Variants in ARHGAP10 observed in about 807,000 individuals in gnomAD.
The protein encoded by ARHGAP10 is rho GTPase-activating protein 10.
ARHGAP10 carries 87 observed loss-of-function variants against 108.6 expected under a neutral mutation model. The observed-to-expected ratio is 0.80, with a 90% CI of 0.67 to 0.96. The LOEUF (loss-of-function observed/expected upper bound fraction) is 0.96, where lower values mean the gene tolerates loss of function less well. Among genes scored for constraint, ARHGAP10 ranks in the 40% least tolerant of loss-of-function variants. The pLI is 0.00. For missense variants in ARHGAP10, 939 were observed against 954.5 expected (o/e 0.98, Z 0.21); for synonymous variants, 347 against 341.1 (o/e 1.02, Z -0.19).
intron 18 of ARHGAP10, among the ~76,000 whole-genome samples, chr4:147,987,029 T>G (rs1012333738): frequency 6.6e-6 from 1 of 152,236 alleles, no homozygotes; most frequent in African/African-American, 2.4e-5. Flanking sequence ...ACGGGATTAT[T>G]GCGGATTGAA....
At chr4:147,759,545 A>G (rs1371404520) in intron 1 of ARHGAP10, among the ~76,000 whole-genome samples, 2 of 149,326 alleles carry the variant, frequency 1.3e-5, no homozygotes, top group Non-Finnish European at 3.0e-5. Flanking sequence ...GTGAGTAGCC[A>G]CCACACTCCT....
At chr4:147,777,148 G>A (rs185263710) in intron 1 of ARHGAP10, among the ~76,000 whole-genome samples, 13 of 152,158 alleles carry the variant, frequency 8.5e-5, no homozygotes, top group East Asian at 7.7e-4. Flanking sequence ...CATGATTTGC[G>A]TTTCAGCTAT....
intron 9 of ARHGAP10, among the ~76,000 whole-genome samples, chr4:147,881,243 A>G (rs567094506): frequency 9.2e-5 from 14 of 152,076 alleles, no homozygotes; most frequent in Admixed American, 7.2e-4. Flanking sequence ...ACTGCACTCC[A>G]GCCTGGGCAA....
chr4:147,926,764 G>T (rs927186841), intron 13 of ARHGAP10, among the ~76,000 whole-genome samples: 1 of 152,144 alleles, frequency 6.6e-6, no homozygotes, highest in African/African-American at 2.4e-5. Context: ...AAGGATGGTT[G>T]TAAGGGAATC....
chr4:147,948,936 A>G (rs1277445160), intron 15 of ARHGAP10, among the ~76,000 whole-genome samples: 1 of 151,294 alleles, frequency 6.6e-6, no homozygotes, highest in Non-Finnish European at 1.5e-5. Context: ...ACTGCACTCC[A>G]GCCTAGGAGA....
intron 1 of ARHGAP10, among the ~76,000 whole-genome samples, chr4:147,765,744 G>A (rs1207183353): frequency 1.3e-5 from 2 of 152,178 alleles, no homozygotes; most frequent in Non-Finnish European, 2.9e-5. Context: ...AGGCTGCAGT[G>A]AGCCATGATT....
chr4:147,977,653 C>T (rs1560855747), intron 18 of ARHGAP10, among the ~76,000 whole-genome samples: 2 of 151,142 alleles, frequency 1.3e-5, no homozygotes, highest in African/African-American at 4.9e-5. Context: ...AATTGTGTGA[C>T]TTTTTTTTTC....
rs1728003942 is a variant in ARHGAP10, at chr4:148,028,984, C to T, written c.1867+5571C>T. ...TGCAGCTTAAAAACAGACCATCTTT[C>T]CATCAAAAGGAAGGAAACATGCCAT... On this transcript the variant is annotated intron_variant, in intron 19 of 22. Transcript: ENST00000336498. Among the ~76,000 whole-genome samples the T allele has an allele frequency of 2.6e-5, 4 of 152,236 alleles. No homozygotes were observed. In the South Asian group the frequency reaches 8.3e-4, roughly 32 times the overall value.
chr4:147,903,226 C>T (rs1423910333), intron 10 of ARHGAP10, among the ~76,000 whole-genome samples: 1 of 152,200 alleles, frequency 6.6e-6, no homozygotes, highest in African/African-American at 2.4e-5. Flanking sequence ...TTAGCTCCTC[C>T]AGAGTGTGCT....
At chr4:147,938,084 C>T (rs1738024398) in intron 13 of ARHGAP10, among the ~76,000 whole-genome samples, 1 of 152,132 alleles carries the variant, frequency 6.6e-6, no homozygotes, top group Admixed American at 6.5e-5. Context: ...AAGTGGAGGC[C>T]ATTATCCTTA....
At chr4:147,813,723 G>GT (rs775167147) in intron 1 of ARHGAP10, among the ~76,000 whole-genome samples, 20 of 152,184 alleles carry the variant, frequency 1.3e-4, no homozygotes, top group Non-Finnish European at 2.4e-4. Context: ...TGTACTGTGA[G>GT]TTTTTTCTCA....
At chr4:147,954,917 G>A (rs534551213) in intron 15 of ARHGAP10, among the ~76,000 whole-genome samples, 1 of 152,040 alleles carries the variant, frequency 6.6e-6, no homozygotes, top group Non-Finnish European at 1.5e-5. Context: ...TATTTTGTGT[G>A]GAATCTTCAG....
intron 10 of ARHGAP10, among the ~76,000 whole-genome samples, chr4:147,898,076 A>AT (rs370800661): frequency 1.2e-3 from 176 of 151,406 alleles, no homozygotes; most frequent in South Asian, 9.2e-3. Flanking sequence ...AATGGGCCAT[A>AT]TTTTTTTTAA....
intron 3 of ARHGAP10, among the ~76,000 whole-genome samples, chr4:147,837,574 C>G (rs1002431060): frequency 6.6e-6 from 1 of 150,846 alleles, no homozygotes; most frequent in Non-Finnish European, 1.5e-5. Context: ...TGCCCTGTGG[C>G]TGTTGGAAGA....
At chr4:148,060,683 C>T (rs1180405470) in intron 20 of ARHGAP10, among the ~76,000 whole-genome samples, 1 of 152,138 alleles carries the variant, frequency 6.6e-6, no homozygotes. Context: ...GTGAATATTC[C>T]AGCTTACAGT....
chr4:147,826,989 C>G (rs532937188), intron 3 of ARHGAP10, among the ~76,000 whole-genome samples: 2 of 152,160 alleles, frequency 1.3e-5, no homozygotes, highest in African/African-American at 4.8e-5. Flanking sequence ...AGGTTCTTCT[C>G]CCCATCCGCT....
At chr4:147,982,536 C>T (rs1216416983) in intron 18 of ARHGAP10, among the ~76,000 whole-genome samples, 1 of 146,980 alleles carries the variant, frequency 6.8e-6, no homozygotes, top group African/African-American at 2.6e-5. Flanking sequence ...GCCATCACAC[C>T]CAGCTAAATC....
At chr4:147,858,368 CAT>C (rs1734179047) in intron 5 of ARHGAP10, 1 of 151,942 alleles carries the variant, frequency 6.6e-6, no homozygotes, top group African/African-American at 2.4e-5. Context: ...TTTTTTAACA[CAT>C]AAGGAATCTG....
At chr4:147,925,333 T>A (rs1305524960) in intron 13 of ARHGAP10, among the ~76,000 whole-genome samples, 3 of 152,154 alleles carry the variant, frequency 2.0e-5, no homozygotes, top group African/African-American at 7.2e-5. Context: ...GACACAACAT[T>A]AGGCCTTTTC....
Sources: gnomAD v4.1 joint callset for allele counts (sites outside exome capture counted in the v4.1 genomes callset) on GRCh38, gnomAD v4.1.1 for gene constraint, MANE v1.5 for transcripts, NCBI Gene and HGNC (gene_info 2026-07-23, HGNC 2026-07-21) for gene names.